The following PTAFR variants were observed in gnomAD, a reference collection of about 807,000 sequenced individuals.
PTAFR encodes the protein platelet activating factor receptor, also known as platelet-activating factor receptor.
A neutral mutation model predicts 14.7 loss-of-function variants in PTAFR; 8 were observed. The observed-to-expected ratio is 0.54, with a 90% CI of 0.32 to 0.98. The LOEUF (loss-of-function observed/expected upper bound fraction) is 0.98. Ranked by LOEUF, PTAFR falls within the 50% of genes least tolerant of loss-of-function variation. The pLI is 0.04. For missense variants in PTAFR, 337 were observed against 451.2 expected, an observed-to-expected ratio of 0.75 and a Z score of 2.29; for synonymous variants, 156 against 176.5, an observed-to-expected ratio of 0.88 and a Z score of 0.92.
Position 28,150,980 on chromosome 1 carries a change from T to C in PTAFR, c.42A>G (p.Arg14=). The C allele has an allele frequency of 6.2e-7, 1 of 1,610,148 alleles. No homozygotes were observed. The highest frequency in any genetic ancestry group is 1.1e-5 in the South Asian group (1 of 90,486). ...TGTAAACAATCGGGAAGAGAGTGTA[T>C]CGGAACTCAGAGTCCATGTGGGAGG... ...HDSSHMDSEF[R]YTLFPIVYSI... The change falls in exon 2 of 2, where the codon CGA becomes CGG. Residue 14 remains arginine, a synonymous_variant. Coordinates refer to ENST00000373857, the MANE Select transcript of PTAFR (RefSeq NM_000952.5). This position sits in a 1 kb window ranked among gnomAD's most constrained non-coding sequence, Gnocchi z 6.3.
At chr1:28,161,369 G>A (rs1006973025) in intron 1 of PTAFR, among the ~76,000 whole-genome samples, 1 of 152,148 alleles carries the variant, frequency 6.6e-6, no homozygotes, top group Non-Finnish European at 1.5e-5. Context: ...CAAAGTTCCT[G>A]CTCTCGAGGA....
chr1:28,161,055 T>C (rs1646317516), intron 1 of PTAFR, among the ~76,000 whole-genome samples: 1 of 152,144 alleles, frequency 6.6e-6, no homozygotes, highest in African/African-American at 2.4e-5. Flanking sequence ...TGCCAAGAAA[T>C]CCTCCCTTCC....
At position 28,149,034 on chromosome 1, in the gene PTAFR, C is replaced by G. The variant is rs115827785; in HGVS notation, c.*959G>C. Reference sequence around the variant, plus strand: ...AGAGCTGACTGGACTAGAGGCAAGGCCTTTGCAGACAGACACGTCTGTCTT... The same window carrying G: ...AGAGCTGACTGGACTAGAGGCAAGGGCTTTGCAGACAGACACGTCTGTCTT... On this transcript the variant is annotated 3_prime_UTR_variant, in exon 2 of 2. Coordinates refer to ENST00000373857, the MANE Select transcript of PTAFR (RefSeq NM_000952.5). 2.0e-5 allele frequency: 3 copies of G among 152,284 alleles called. No homozygotes were observed. The highest frequency in any genetic ancestry group is 2.1e-4 in the South Asian group (1 of 4,836). 9.4% of individuals were successfully genotyped at this position (152,284 alleles called of 1,614,324 possible).
intron 1 of PTAFR, among the ~76,000 whole-genome samples, chr1:28,173,745 C>T (rs1350279830): frequency 2.6e-5 from 4 of 152,144 alleles, no homozygotes; most frequent in South Asian, 2.1e-4. Context: ...ACTCCAAACC[C>T]AGGCCCTGAA....
chr1:28,183,359 T>C (rs1432731707), intron 1 of PTAFR, among the ~76,000 whole-genome samples: 1 of 152,196 alleles, frequency 6.6e-6, no homozygotes, highest in African/African-American at 2.4e-5. Flanking sequence ...AATAACGAGC[T>C]ATTGCCCACA....
chr1:28,167,633 ATTTTTTTTTTTTTT>A (rs780344665), intron 1 of PTAFR, among the ~76,000 whole-genome samples: 6 of 80,234 alleles, frequency 7.5e-5, no homozygotes, highest in East Asian at 8.2e-4. Flanking sequence ...TGAAAACGGG[ATTTTTTTTTTTTTT>A]TTTTTTTTTT....
chr1:28,154,081 G>GAAAAA (rs71586829), intron 1 of PTAFR, among the ~76,000 whole-genome samples: 6 of 55,502 alleles, frequency 1.1e-4, no homozygotes, highest in Admixed American at 2.4e-4. Context: ...CCTTGTCTCA[G>GAAAAA]AAAAAAAAAA....
upstream of PTAFR, among the ~76,000 whole-genome samples, chr1:28,180,224 G>T (rs921238800): frequency 6.6e-6 from 1 of 152,054 alleles, no homozygotes; most frequent in Non-Finnish European, 1.5e-5. Flanking sequence ...GATTAAAAGA[G>T]ATTTAAGAGG....
rs1164538158 is a variant in PTAFR, at chr1:28,149,797, A to T, written c.*196T>A. 1 of 645,936 alleles carries T rather than the reference A, an allele frequency of 1.5e-6. No individual in the cohort carries two copies. The highest frequency in any genetic ancestry group is 3.1e-5 in the Admixed American group (1 of 32,070). The allele number at this position is 645,936 out of a possible 1,614,324, so 40.0% of individuals were successfully genotyped here. ...TGTAGTATGCGCCCACAGGCGGATG[A>T]AGGGGCTCATTTGAGTTCTGGATTT... On this transcript the variant is annotated 3_prime_UTR_variant, in exon 2 of 2. Transcript: ENST00000373857.
chr1:28,165,554 C>T (rs1646376260), intron 1 of PTAFR, among the ~76,000 whole-genome samples: 1 of 151,564 alleles, frequency 6.6e-6, no homozygotes. Context: ...GAGGCCGAGA[C>T]AGGCGGATCA....
chr1:28,170,817 G>A (rs190192123), intron 1 of PTAFR, among the ~76,000 whole-genome samples: 216 of 151,524 alleles, frequency 1.4e-3, no homozygotes, highest in African/African-American at 4.7e-3. Context: ...TGGCTAACAC[G>A]GTAAAACCCT....
intron 1 of PTAFR, among the ~76,000 whole-genome samples, chr1:28,183,937 T>TA (rs1646583240): frequency 6.6e-6 from 1 of 151,990 alleles, no homozygotes; most frequent in Non-Finnish European, 1.5e-5. Context: ...GATGGATAGA[T>TA]AGATAGATAG....
chr1:28,189,338 G>A (rs993097147), intron 1 of PTAFR, among the ~76,000 whole-genome samples: 1 of 152,078 alleles, frequency 6.6e-6, no homozygotes, highest in Non-Finnish European at 1.5e-5. Flanking sequence ...ATGCGGCCGG[G>A]CATGGTTGCT....
At chr1:28,161,480 C>T (rs1315575141) in intron 1 of PTAFR, among the ~76,000 whole-genome samples, 1 of 152,126 alleles carries the variant, frequency 6.6e-6, no homozygotes, top group Non-Finnish European at 1.5e-5. Context: ...AAAATAGTAA[C>T]ATGAAGATAG....
At chr1:28,184,461 TC>T (rs1485811677) in intron 1 of PTAFR, among the ~76,000 whole-genome samples, 1 of 152,060 alleles carries the variant, frequency 6.6e-6, no homozygotes, top group East Asian at 1.9e-4. Flanking sequence ...ACTCCTCTGC[TC>T]AAAGCCCCCC....
chr1:28,164,373 T>C (rs1275867196), intron 1 of PTAFR, among the ~76,000 whole-genome samples: 2 of 152,144 alleles, frequency 1.3e-5, no homozygotes, highest in Non-Finnish European at 2.9e-5. Context: ...TGAGGGTGCA[T>C]TCACCAACAG....
chr1:28,168,658 T>C (rs1183838072), intron 1 of PTAFR, among the ~76,000 whole-genome samples: 1 of 152,030 alleles, frequency 6.6e-6, no homozygotes, highest in Non-Finnish European at 1.5e-5. Flanking sequence ...TCATGCAAGA[T>C]GAAAACATTC....
chr1:28,150,268 GCAC>G lies in PTAFR; in HGVS notation c.751_753del (p.Val251del). ...AGCTCAGCAAGGGTCCAGGGCAGCT[GCAC>G]CACGTGGTGGGGCACGAAGCAGATG... On this transcript the variant is annotated inframe_deletion, in exon 2 of 2. Transcript: ENST00000373857. The surrounding 1 kb of genome is among the most constrained non-coding windows in gnomAD (Gnocchi z 6.3). 6.2e-7 allele frequency: 1 copy of G among 1,612,344 alleles called. No individual in the cohort carries two copies.
At chr1:28,168,278 G>A (rs1037842117) in intron 1 of PTAFR, among the ~76,000 whole-genome samples, 1 of 151,870 alleles carries the variant, frequency 6.6e-6, no homozygotes, top group Non-Finnish European at 1.5e-5. Flanking sequence ...GCAGAAAACA[G>A]GATCTTGAAA....
Sources: allele counts gnomAD v4.1 joint callset (sites outside exome capture counted in the v4.1 genomes callset), GRCh38; gene constraint gnomAD v4.1.1; non-coding constraint Gnocchi (gnomAD v3.1); transcripts MANE v1.5; gene names NCBI Gene and HGNC (gene_info 2026-07-23, HGNC 2026-07-21).